The following SCN1A variants were observed in gnomAD, a reference collection of about 807,000 sequenced individuals.
The protein encoded by SCN1A is sodium channel protein type 1 subunit alpha.
A neutral mutation model predicts 193.7 loss-of-function variants in SCN1A; 13 were observed. The observed-to-expected ratio is 0.07, with a 90% CI of 0.04 to 0.11. The LOEUF (loss-of-function observed/expected upper bound fraction) is 0.11, where lower values mean the gene tolerates loss of function less well. SCN1A is among the 10% of genes least tolerant of loss of function. The pLI is 1.00. For missense variants in SCN1A, 1,432 were observed against 2,451.1 expected (o/e 0.58, Z 8.78); for synonymous variants, 781 against 843.6 (o/e 0.93, Z 1.29).
chr2:166,141,160 A>G (rs1050675081), intron 1 of SCN1A, among the ~76,000 whole-genome samples: 7 of 151,996 alleles, frequency 4.6e-5, no homozygotes, highest in African/African-American at 7.2e-5. Context: ...CCCTGCTTGT[A>G]CATACTATTT....
chr2:166,037,640 C>G lies in SCN1A; in HGVS notation c.2946+136G>C, dbSNP rs1696566937. 2.1e-5 allele frequency: 17 copies of G among 806,242 alleles called. No individual in the cohort carries two copies. The South Asian group carries it at 2.5e-4, about 12-fold the overall frequency. The allele number at this position is 806,242 out of a possible 1,614,324, so 49.9% of individuals were successfully genotyped here. ...GTTTTTCTTTTTGACAAAACAGTCA[C>G]CATTAAATTATACTCTTTTTTTTTA... is the stretch of plus-strand genomic sequence containing the variant. On this transcript the variant is annotated intron_variant, in intron 18 of 28. Coordinates refer to ENST00000674923, the MANE Select transcript of SCN1A (RefSeq NM_001165963.4).
In SCN1A at chr2:166,051,975, A is replaced by G. The variant is rs1574266602; in HGVS notation, c.708T>C (p.Ile236=). The G allele has an allele frequency of 6.2e-7, 1 of 1,611,462 alleles. No homozygotes were observed. The highest frequency in any genetic ancestry group is 1.1e-5 in the South Asian group (1 of 90,892). ...TCACAGACTGGATCAGGGCTCCCAC[A>G]ATGGTTTTCAGGCCTGAAAGAAAGA... ...TISVIPGLKT[I]VGALIQSVKK... Residue 236 remains isoleucine (I), a synonymous_variant, in exon 9 of 29, where the codon ATT becomes ATC. Transcript: ENST00000674923.
chr2:166,007,037 G>A (rs1474167081), intron 23 of SCN1A, among the ~76,000 whole-genome samples: 1 of 149,746 alleles, frequency 6.7e-6, no homozygotes, highest in Non-Finnish European at 1.5e-5. Flanking sequence ...AAAATCCACA[G>A]AGGGTAAATT....
At chr2:165,996,679 G>A (rs1690107909) in intron 26 of SCN1A, among the ~76,000 whole-genome samples, 1 of 151,376 alleles carries the variant, frequency 6.6e-6, no homozygotes. Flanking sequence ...GACCAGTAGG[G>A]ATAGAAGATT....
rs34673057 is a variant in SCN1A at position 166,035,934 on chromosome 2, TAAAAAAAAA to T, written c.3429+105_3429+113del. The T allele has an allele frequency of 2.1e-5, 22 of 1,069,806 alleles. No homozygotes were observed. In the Admixed American group the frequency reaches 3.9e-4, roughly 19 times the overall value. The allele number at this position is 1,069,806 out of a possible 1,614,324, so 66.3% of individuals were successfully genotyped here. The stretch of plus-strand genomic sequence containing the variant: ...CTATTGCTTTTGTATTATCATAAAG[TAAAAAAAAA>T]AAAAAATCTTAAGTCAAAACATCAT... On this transcript the variant is annotated intron_variant, in intron 19 of 28. Coordinates refer to ENST00000674923, the MANE Select transcript of SCN1A (RefSeq NM_001165963.4).
intron 1 of SCN1A, among the ~76,000 whole-genome samples, chr2:166,147,615 T>C (rs1692375950): frequency 1.3e-5 from 2 of 152,094 alleles, no homozygotes; most frequent in Non-Finnish European, 2.9e-5. Flanking sequence ...CCAAACTGAG[T>C]AAAACCTGGT....
intron 2 of SCN1A, among the ~76,000 whole-genome samples, chr2:166,119,974 G>A (rs76591597): frequency 0.041 from 6,250 of 151,868 alleles, 300 homozygotes; most frequent in African/African-American, 0.11. Context: ...ATGCCAAATT[G>A]TTTGGTAAGA....
intron 1 of SCN1A, among the ~76,000 whole-genome samples, 177 bp downstream of exon 1, chr2:166,127,594 G>T (rs921035967): frequency 6.6e-6 from 1 of 151,980 alleles, no homozygotes; most frequent in African/African-American, 2.4e-5. Context: ...GAGAGAGGAG[G>T]GGGGAGGGGA....
At chr2:166,036,895 T>A (rs1696457399) in intron 18 of SCN1A, among the ~76,000 whole-genome samples, 1 of 152,232 alleles carries the variant, frequency 6.6e-6, no homozygotes, top group African/African-American at 2.4e-5. Context: ...TGCATTTAAA[T>A]GCATTCTATA....
At position 166,046,803 on chromosome 2, in the gene SCN1A, A is replaced by G. The variant is rs1170966249; in HGVS notation, c.1344T>C (p.Ile448=). 2.5e-6 allele frequency: 4 copies of G among 1,613,652 alleles called. No individual in the cohort carries two copies. The highest frequency in any genetic ancestry group is 2.2e-5 in the East Asian group (1 of 44,888). ...EQKEAEFQQM[I]EQLKKQQEAA... is the part of the protein sequence containing the mutation. Reference sequence around the variant, plus strand: ...CCTCCTGTTGCTTTTTAAGCTGTTCAATCATCTGCTGAAATTCGGCCTCTT... The same window carrying G: ...CCTCCTGTTGCTTTTTAAGCTGTTCGATCATCTGCTGAAATTCGGCCTCTT... The change falls in exon 12 of 29, where the codon ATT becomes ATC. Residue 448 remains isoleucine, a synonymous_variant. Transcript: ENST00000674923.
upstream of SCN1A, among the ~76,000 whole-genome samples, chr2:166,132,361 A>C (rs746627473): frequency 6.2e-5 from 8 of 129,282 alleles, no homozygotes; most frequent in Admixed American, 8.9e-5. Context: ...GCTTTTGTAG[A>C]TGTCAATTTC....
chr2:166,047,013 A>T (rs899690617), intron 11 of SCN1A, 37 bp from the exon 12 acceptor site: 1 of 1,607,060 alleles, frequency 6.2e-7, no homozygotes, highest in Non-Finnish European at 8.5e-7. Flanking sequence ...TCTCAATATT[A>T]TTTCACTAAG....
chr2:166,042,767 C>T (rs1697331337), intron 14 of SCN1A, among the ~76,000 whole-genome samples: 1 of 152,098 alleles, frequency 6.6e-6, no homozygotes, highest in Non-Finnish European at 1.5e-5. Context: ...ACTTAAAAGT[C>T]CTACAAGTGA....
In SCN1A at chr2:166,108,502, T is replaced by C. The variant is rs139339735; in HGVS notation, c.-142+18422A>G. Among the ~76,000 whole-genome samples the C allele has an allele frequency of 2.9e-3, 443 of 152,212 alleles. 3 individuals are homozygous for C. The highest frequency in any genetic ancestry group is 0.01 in the African/African-American group (430 of 41,562). ...AAACATGTATCCATATGAAGACTTA[T>C]ATGGACATGTTCATAGCAGCCTTAT... On this transcript the variant is annotated intron_variant, in intron 2 of 28. Transcript: ENST00000674923.
chr2:166,081,991 G>A (rs1685579753), intron 2 of SCN1A, among the ~76,000 whole-genome samples: 1 of 151,982 alleles, frequency 6.6e-6, no homozygotes, highest in Non-Finnish European at 1.5e-5. Flanking sequence ...AGTACTTAAT[G>A]TGATAGTATT....
chr2:166,146,500 T>C (rs1225426930), intron 1 of SCN1A, among the ~76,000 whole-genome samples: 1 of 152,208 alleles, frequency 6.6e-6, no homozygotes, highest in Non-Finnish European at 1.5e-5. Flanking sequence ...TATCAATGTC[T>C]GGAAATATCT....
At chr2:166,047,889 A>C (rs923609826) in intron 10 of SCN1A, 121 bp from the exon 11 acceptor site, 1 of 1,337,332 alleles carries the variant, frequency 7.5e-7, no homozygotes, top group African/African-American at 1.4e-5. Context: ...TTGACAAATA[A>C]GTAACTAATC....
intron 2 of SCN1A, among the ~76,000 whole-genome samples, chr2:166,126,699 C>A (rs1480523002): frequency 6.6e-6 from 1 of 152,188 alleles, no homozygotes; most frequent in Non-Finnish European, 1.5e-5. Context: ...ATAGCAACAG[C>A]AATTGGCAAT....
At chr2:166,133,059 TAGAG>T (rs1296155239) in intron 1 of SCN1A, among the ~76,000 whole-genome samples, 2 of 152,180 alleles carry the variant, frequency 1.3e-5, no homozygotes, top group South Asian at 2.1e-4. Flanking sequence ...TAAAAATCCT[TAGAG>T]AGAGAATGCC....
Sources: allele counts gnomAD v4.1 joint callset (sites outside exome capture counted in the v4.1 genomes callset), GRCh38; gene constraint gnomAD v4.1.1; transcripts MANE v1.5; gene names NCBI Gene and HGNC (gene_info 2026-07-23, HGNC 2026-07-21).